The following XYLB variants were observed in gnomAD, a reference collection of about 807,000 sequenced individuals.
The protein encoded by XYLB is xylulokinase.
Under a neutral mutation model 78.7 loss-of-function variants are expected in XYLB, and 62 were observed. The ratio of observed to expected loss-of-function variants is 0.79; its 90% CI spans 0.64 to 0.97. The LOEUF (loss-of-function observed/expected upper bound fraction) is 0.97, where lower values mean the gene tolerates loss of function less well. Ranked by LOEUF, XYLB falls within the 50% of genes least tolerant of loss-of-function variation. The probability of loss-of-function intolerance (pLI) is 0.00; values close to 1 mark genes in which losing one functional copy is unlikely to be tolerated. For missense variants in XYLB, 687 were observed against 676.8 expected (o/e 1.02, Z -0.17); for synonymous variants, 245 against 247.4 (o/e 0.99, Z 0.09).
intron 8 of XYLB, among the ~76,000 whole-genome samples, chr3:38,368,577 G>A (rs1575477477): frequency 2.0e-5 from 3 of 152,312 alleles, no homozygotes; most frequent in South Asian, 4.1e-4. Context: ...TCATCTGAAG[G>A]GTTGACTGGG....
At chr3:38,435,487 A>G in the XYLB span, among the ~76,000 whole-genome samples, 4 of 152,336 alleles carry the variant, frequency 2.6e-5, no homozygotes, top group East Asian at 5.8e-4. Context: ...CTGCAATACA[A>G]TCATAGTGGG....
intron 2 of XYLB, among the ~76,000 whole-genome samples, chr3:38,352,130 A>G (rs1705397933): frequency 6.6e-6 from 1 of 152,182 alleles, no homozygotes; most frequent in African/African-American, 2.4e-5. Context: ...AAAATTTTAT[A>G]TTGTTAACAG....
At chr3:38,441,171 G>T in the XYLB span, among the ~76,000 whole-genome samples, 2 of 152,214 alleles carry the variant, frequency 1.3e-5, no homozygotes, top group African/African-American at 4.8e-5. Flanking sequence ...TTTAATGGGG[G>T]TTCCCCCAGA....
the XYLB span, among the ~76,000 whole-genome samples, chr3:38,437,009 A>AATAATAATG: frequency 8.9e-6 from 1 of 111,738 alleles, no homozygotes; most frequent in Admixed American, 8.4e-5. Flanking sequence ...TTCTAAAAAT[A>AATAATAATG]ATAATAATAA....
At chr3:38,354,957 T>C (rs1007384710) in intron 2 of XYLB, among the ~76,000 whole-genome samples, 2 of 152,248 alleles carry the variant, frequency 1.3e-5, no homozygotes, top group Non-Finnish European at 2.9e-5. Context: ...TGTTTTAATA[T>C]GTTTAACATA....
At chr3:38,380,213 A>G (rs1276656881) in intron 15 of XYLB, among the ~76,000 whole-genome samples, 1 of 152,224 alleles carries the variant, frequency 6.6e-6, no homozygotes, top group Admixed American at 6.5e-5. Context: ...AAGCTTCAAC[A>G]TGAGTTTTGG....
At chr3:38,437,714 C>T in the XYLB span, among the ~76,000 whole-genome samples, 2 of 152,074 alleles carry the variant, frequency 1.3e-5, no homozygotes, top group African/African-American at 4.8e-5. Flanking sequence ...GAGGCTTTGG[C>T]AGTAGGATCA....
chr3:38,407,546 A>G (rs913585467), intron 18 of XYLB, among the ~76,000 whole-genome samples: 1 of 151,458 alleles, frequency 6.6e-6, no homozygotes, highest in African/African-American at 2.4e-5. Flanking sequence ...TTAACTTTAA[A>G]TGTAAATGGA....
rs768226639 is a variant in XYLB at position 38,376,238 on chromosome 3, C to T, written c.1120+6C>T. 1 of 1,596,754 alleles carries T rather than the reference C, an allele frequency of 6.3e-7. No individual in the cohort carries two copies. Among genetic ancestry groups the T allele is most frequent in the Middle Eastern group, 1.7e-4 (1 of 6,026 alleles). On this transcript the variant is annotated splice_donor_region_variant and intron_variant, in intron 13 of 18. Coordinates refer to ENST00000207870, the MANE Select transcript of XYLB (RefSeq NM_005108.4). ...GGGCAACGGTGGAAACCTGGGTAGG[C>T]CAGTTGGTGGTGCCCAGGCCTGTGA... is the stretch of plus-strand genomic sequence containing the variant.
downstream of XYLB, among the ~76,000 whole-genome samples, chr3:38,419,603 T>TATATATATATATATATATATAAAA (rs71085322): frequency 1.2e-5 from 1 of 80,886 alleles, no homozygotes; most frequent in African/African-American, 3.3e-5. Context: ...TATATATATA[T>TATATATATATATATATATATAAAA]AATAGCCATC....
At chr3:38,431,919 G>T in the XYLB span, among the ~76,000 whole-genome samples, 2 of 152,104 alleles carry the variant, frequency 1.3e-5, no homozygotes, top group Non-Finnish European at 2.9e-5. Context: ...ACCTGGTCTT[G>T]CCCTTGACAC....
chr3:38,443,349 T>G, the XYLB span, among the ~76,000 whole-genome samples: 2,480 of 152,262 alleles, frequency 0.016, 35 homozygotes, highest in Non-Finnish European at 0.022. Flanking sequence ...AGAACATTTG[T>G]CCTCTGGGGC....
At chr3:38,400,806 C>A in intron 17 of XYLB, 85 bp from the exon 18 acceptor site, 1 of 1,119,480 alleles carries the variant, frequency 8.9e-7, no homozygotes, top group South Asian at 1.4e-5. Context: ...AACAGTTTGC[C>A]ACCCCAGTGA....
At chr3:38,396,854 G>A (rs868238801) in intron 16 of XYLB, among the ~76,000 whole-genome samples, 1 of 152,128 alleles carries the variant, frequency 6.6e-6, no homozygotes, top group Admixed American at 6.5e-5. Context: ...GGGACAGCCT[G>A]GGGAGCTGTG....
chr3:38,368,109 T>G (rs704947), intron 7 of XYLB, 76 bp from the exon 8 acceptor site: 1,317,107 of 1,406,596 alleles, frequency 0.94, 618,282 homozygotes, highest in East Asian at 1. Flanking sequence ...TTTTCATGCT[T>G]TGTGTGTGTC....
the XYLB span, among the ~76,000 whole-genome samples, chr3:38,442,503 G>A: frequency 2.0e-3 from 309 of 152,254 alleles, 2 homozygotes; most frequent in African/African-American, 6.6e-3. Context: ...GAGAAACTGG[G>A]AGTCACAGTG....
At chr3:38,441,617 G>C in the XYLB span, among the ~76,000 whole-genome samples, 1 of 152,172 alleles carries the variant, frequency 6.6e-6, no homozygotes, top group African/African-American at 2.4e-5. Flanking sequence ...GTAGCTCCTG[G>C]TATCTAAGCC....
At position 38,400,983 on chromosome 3, in the gene XYLB, C is replaced by T. The variant is rs763075474; in HGVS notation, c.1531C>T (p.Gln511Ter). Residue 511 changes from glutamine (Q) to a stop codon, truncating the protein, a stop_gained and splice_region_variant, in exon 18 of 19, where the codon CAG (glutamine) becomes TAG (stop). Coordinates refer to ENST00000207870, the MANE Select transcript of XYLB (RefSeq NM_005108.4). LOFTEE classifies it high-confidence loss of function. ...LAATPSPGAS[Q>*]VYEALLPQYA... ...TGCTACCCCAAGCCCGGGAGCTTCT[C>T]AGGTGAGAGACCATCGGAATTTGTT... 6.2e-6 allele frequency: 10 copies of T among 1,613,960 alleles called. No individual in the cohort carries two copies. The East Asian group carries it at 6.7e-5, about 11-fold the overall frequency.
At chr3:38,433,736 G>T in the XYLB span, among the ~76,000 whole-genome samples, 3 of 152,118 alleles carry the variant, frequency 2.0e-5, no homozygotes, top group Admixed American at 2.0e-4. Flanking sequence ...TCAGCATTTT[G>T]GTCAAAGCCA....
Sources: gnomAD v4.1 joint callset for allele counts (sites outside exome capture counted in the v4.1 genomes callset) on GRCh38, gnomAD v4.1.1 for gene constraint, MANE v1.5 for transcripts, NCBI Gene and HGNC (gene_info 2026-07-23, HGNC 2026-07-21) for gene names.